Variants in TSPEAR observed in about 807,000 individuals in gnomAD.
TSPEAR encodes the protein thrombospondin-type laminin G domain and EAR repeat-containing protein.
A neutral mutation model predicts 71.6 loss-of-function variants in TSPEAR; 69 were observed. The observed-to-expected ratio is 0.96, with a 90% confidence interval of 0.79 to 1.18. The LOEUF is 1.18. TSPEAR is among the 50% of genes most tolerant of loss of function. The pLI is 0.00. For missense variants in TSPEAR, 971 were observed against 894.9 expected (o/e 1.09, Z -1.09); for synonymous variants, 402 against 387.2 (o/e 1.04, Z -0.45).
chr21:44,703,579 C>G (rs1200578680), intron 1 of TSPEAR, among the ~76,000 whole-genome samples: 1 of 152,224 alleles, frequency 6.6e-6, no homozygotes, highest in Non-Finnish European at 1.5e-5. Context: ...CCTCCCTCTC[C>G]CCGGGAGCCC....
Position 44,622,953 on chromosome 21 carries a change from G to A in TSPEAR, c.83-54948C>T, listed in dbSNP as rs587685138. On this transcript the variant is annotated intron_variant, in intron 1 of 11. Transcript: ENST00000323084. ...GAGTTCTGGCAAGATCTGGTTAAGCGTGTAGCACCTCCCATCCCCCACTCT... is the reference window on the plus strand; with the variant it reads ...GAGTTCTGGCAAGATCTGGTTAAGCATGTAGCACCTCCCATCCCCCACTCT... Among the ~76,000 whole-genome samples, 13 of 152,142 alleles carry A rather than the reference G, an allele frequency of 8.5e-5. 1 individual carries two copies. The highest frequency in any genetic ancestry group is 3.9e-4 in the East Asian group (2 of 5,166).
intron 1 of TSPEAR, among the ~76,000 whole-genome samples, chr21:44,661,851 G>A (rs1320990145): frequency 6.6e-6 from 1 of 151,946 alleles, no homozygotes; most frequent in Non-Finnish European, 1.5e-5. Flanking sequence ...AGCACCAAGG[G>A]GATGACGCTT....
intron 1 of TSPEAR, chr21:44,573,722 C>T (rs1290855659): frequency 1.3e-6 from 2 of 1,593,414 alleles, no homozygotes; most frequent in African/African-American, 1.3e-5. Context: ...TCCCTCCCAT[C>T]TCCCCCAGCT....
chr21:44,566,107 GA>G (rs1166157896), intron 2 of TSPEAR, among the ~76,000 whole-genome samples: 1 of 152,160 alleles, frequency 6.6e-6, no homozygotes, highest in Non-Finnish European at 1.5e-5. Context: ...TTGAACCCAG[GA>G]AATAGAGGTT....
Position 44,522,024 on chromosome 21 carries a change from G to A in TSPEAR, c.1425C>T (p.Gly475=), listed in dbSNP as rs781910968. 25 of 1,614,064 alleles carry A rather than the reference G, an allele frequency of 1.5e-5. No homozygotes were observed. Among genetic ancestry groups the A allele is most frequent in the Admixed American group, 6.7e-5 (4 of 60,006 alleles). The part of the protein sequence containing the change: ...FEANQTIATS[G]AYDWEFFSVG... ...CACTGAAGAACTCCCAGTCGTAGGC[G>A]CCGGAGGTGGCGATGGTCTGGTTGG... The change falls in exon 9 of 12, where the codon GGC becomes GGT. Residue 475 remains glycine, a synonymous_variant. Transcript: ENST00000323084.
At chr21:44,667,656 A>G (rs919232992) in intron 1 of TSPEAR, among the ~76,000 whole-genome samples, 4 of 152,132 alleles carry the variant, frequency 2.6e-5, no homozygotes, top group Admixed American at 1.3e-4. Flanking sequence ...GTGTGAGCTG[A>G]ATATAGAAGG....
intron 1 of TSPEAR, among the ~76,000 whole-genome samples, chr21:44,707,396 G>A (rs1987987708): frequency 6.6e-6 from 1 of 152,204 alleles, no homozygotes; most frequent in Non-Finnish European, 1.5e-5. Flanking sequence ...GGGGCGCAGG[G>A]AGGGGCAGAG....
rs587674519 is a variant in TSPEAR at position 44,527,239 on chromosome 21, T to C, written c.1149+53A>G. The C allele has an allele frequency of 3.1e-6, 5 of 1,594,354 alleles. No individual in the cohort carries two copies. The South Asian group carries it at 4.4e-5, about 14-fold the overall frequency. ...AGTGTAGGGGGCCCCGCCTGTGGAC[T>C]CGGGGCTTTCCAAGAGAAAGGGGAT... is the stretch of plus-strand genomic sequence containing the variant. On this transcript the variant is annotated intron_variant, in intron 7 of 11. Transcript: ENST00000323084.
rs200685474 is a variant in TSPEAR, at chr21:44,658,304, G to A, written c.82+53129C>T. The A allele has an allele frequency of 1.3e-4, 211 of 1,590,944 alleles. 1 individual carries two copies. The highest frequency in any genetic ancestry group is 1.0e-4 in the South Asian group (9 of 89,196). ...TCCTGGTACACGGGGGTACACACCT[G>A]TATCCCTCCGTGAATAAGCATCTGG... On this transcript the variant is annotated intron_variant, in intron 1 of 11. Coordinates refer to ENST00000323084, the MANE Select transcript of TSPEAR (RefSeq NM_144991.3).
In TSPEAR at chr21:44,566,812, T is replaced by C. The variant is rs1480026628; in HGVS notation, c.303+973A>G. ...GTGTGGGGGCAACTGAATATCTATA[T>C]ACAAAAGAACAAAATTGACCCCCTA... On this transcript the variant is annotated intron_variant, in intron 2 of 11. Transcript: ENST00000323084. Among the ~76,000 whole-genome samples, 3 of 152,098 alleles carry C rather than the reference T, an allele frequency of 2.0e-5. 1 individual carries two copies. The highest frequency in any genetic ancestry group is 7.2e-5 in the African/African-American group (3 of 41,402).
At position 44,518,387 on chromosome 21, in the gene TSPEAR, A is replaced by C. The variant is rs189888988; in HGVS notation, c.1566+3496T>G. The stretch of plus-strand genomic sequence containing the variant: ...GCACCTTGGTGCAGTGTCGTGAAGA[A>C]GACACTGTAAATTGGACTTGGTGTT... On this transcript the variant is annotated intron_variant, in intron 9 of 11. Transcript: ENST00000323084. 3.6e-4 allele frequency: 155 copies of C among 428,838 alleles called. 1 individual carries two copies. The highest frequency in any genetic ancestry group is 6.6e-4 in the South Asian group (38 of 57,636). The allele number at this position is 428,838 out of a possible 1,614,324, so 26.6% of individuals were successfully genotyped here.
rs1981748024 is a variant in TSPEAR, at chr21:44,612,376, C to A, written c.83-44371G>T. 1 of 1,613,962 alleles carries A rather than the reference C, an allele frequency of 6.2e-7. No homozygotes were observed. The highest frequency in any genetic ancestry group is 8.5e-7 in the Non-Finnish European group (1 of 1,180,050). ...GCCCCTGCCAATCAGGCTGCACCGA[C>A]TCCTGCACACCTTCATGCTGCCAGC... On this transcript the variant is annotated intron_variant, in intron 1 of 11. Coordinates refer to ENST00000323084, the MANE Select transcript of TSPEAR (RefSeq NM_144991.3). This position sits in a 1 kb window ranked among gnomAD's most constrained non-coding sequence, Gnocchi z 4.1.
rs763983735 is a variant in TSPEAR at position 44,533,698 on chromosome 21, G to A, written c.529C>T (p.Leu177Phe). 1 of 1,608,256 alleles carries A rather than the reference G, an allele frequency of 6.2e-7. No homozygotes were observed. Among genetic ancestry groups the A allele is most frequent in the South Asian group, 1.1e-5 (1 of 90,956 alleles). The change falls in exon 3 of 12, where the codon CTC becomes TTC. Residue 177 changes from leucine to phenylalanine, a missense_variant. Transcript: ENST00000323084. ...GVFSLTTDCG[L>F]PVDIMADVPF... ...GTGGGTACCTACATGTCCACCGGGA[G>A]GCCGCAGTCCGTGGTGAGGGAGAAG...
rs893329848 is a variant in TSPEAR, at chr21:44,506,739, C to A, written c.1755-1858G>T. On this transcript the variant is annotated intron_variant, in intron 10 of 11. Transcript: ENST00000323084. This position sits in a 1 kb window ranked among gnomAD's most constrained non-coding sequence, Gnocchi z 4.2. ...CCGCGGGCCCCGGGTCAGTGTGAATCCGCGGGGTTACTCCTCAGTCGGATC... is the reference window on the plus strand; with the variant it reads ...CCGCGGGCCCCGGGTCAGTGTGAATACGCGGGGTTACTCCTCAGTCGGATC... 6.6e-6 allele frequency: 1 copy of A among 152,242 alleles called. No homozygotes were observed. The highest frequency in any genetic ancestry group is 1.5e-5 in the Non-Finnish European group (1 of 68,044). The allele number at this position is 152,242 out of a possible 1,614,324, so 9.4% of individuals were successfully genotyped here.
intron 1 of TSPEAR, among the ~76,000 whole-genome samples, chr21:44,673,555 C>G (rs4818954): frequency 1.3e-5 from 2 of 152,028 alleles, no homozygotes; most frequent in Non-Finnish European, 2.9e-5. Flanking sequence ...ATCATCCAGA[C>G]AGAAAATCAA....
intron 1 of TSPEAR, chr21:44,638,603 G>A (rs587627465): frequency 1.4e-4 from 32 of 236,730 alleles, no homozygotes; most frequent in East Asian, 1.3e-3. Flanking sequence ...GTGGACCCCC[G>A]AGGGGCATGG....
intron 1 of TSPEAR, chr21:44,637,322 A>G (rs1983643028): frequency 6.9e-7 from 1 of 1,450,652 alleles, no homozygotes; most frequent in East Asian, 2.3e-5. Flanking sequence ...CCCTGGGCAT[A>G]TAAAAGCCCC....
At position 44,590,504 on chromosome 21, in the gene TSPEAR, G is replaced by T. The variant is rs587742904; in HGVS notation, c.83-22499C>A. Among the ~76,000 whole-genome samples, 10 of 152,296 alleles carry T rather than the reference G, an allele frequency of 6.6e-5. No homozygotes were observed. The South Asian group carries it at 2.1e-3, about 32-fold the overall frequency. On this transcript the variant is annotated intron_variant, in intron 1 of 11. Transcript: ENST00000323084. ...GGTGCCATGGTCCCTGCCCATCTGTGTTCTCGCCAGCGATGCCTGAGCAAT... is the reference window on the plus strand; with the variant it reads ...GGTGCCATGGTCCCTGCCCATCTGTTTTCTCGCCAGCGATGCCTGAGCAAT...
At chr21:44,627,863 T>C in intron 1 of TSPEAR, 1 of 1,613,394 alleles carries the variant, frequency 6.2e-7, no homozygotes, top group South Asian at 1.1e-5. Flanking sequence ...TCCTCCTCTG[T>C]GTCCCTCCTC....
Sources: allele counts gnomAD v4.1 joint callset (sites outside exome capture counted in the v4.1 genomes callset), GRCh38; gene constraint gnomAD v4.1.1; non-coding constraint Gnocchi (gnomAD v3.1); transcripts MANE v1.5; gene names NCBI Gene and HGNC (gene_info 2026-07-23, HGNC 2026-07-21).